Variants in MATN2 observed in about 807,000 individuals in gnomAD.
The protein encoded by MATN2 is matrilin-2.
In MATN2, 69 loss-of-function variants were observed where a neutral mutation model predicts 103.2. The ratio of observed to expected loss-of-function variants is 0.67; its 90% CI spans 0.55 to 0.82. The LOEUF (loss-of-function observed/expected upper bound fraction) is 0.82, where lower values mean the gene tolerates loss of function less well. Among genes scored for constraint, MATN2 ranks in the 40% least tolerant of loss-of-function variants. MATN2 has a pLI of 0.00. For synonymous variants in MATN2, 429 were observed against 450.2 expected, an observed-to-expected ratio of 0.95 and a Z score of 0.60; for missense variants, 1,023 against 1,211.5, an observed-to-expected ratio of 0.84 and a Z score of 2.31.
chr8:98,022,334 A>G (rs1388611381), intron 13 of MATN2, among the ~76,000 whole-genome samples: 1 of 149,514 alleles, frequency 6.7e-6, no homozygotes, highest in Non-Finnish European at 1.5e-5. Context: ...CATTATATAC[A>G]TATCTAATGT....
rs768432436 is a variant in MATN2, at chr8:97,931,095, A to G, written c.285A>G (p.Arg95=). ...QFLDIGPDVT[R]VGLLQYGSTV... ...TGGACATTGGTCCTGATGTCACCCG[A>G]GTGGGCCTGCTCCAATATGGCAGCA... The change falls in exon 3 of 19, where the codon CGA becomes CGG. Residue 95 remains arginine, a synonymous_variant. Coordinates refer to ENST00000254898, the MANE Select transcript of MATN2 (RefSeq NM_002380.5). The surrounding 1 kb of genome is among the most constrained non-coding windows in gnomAD (Gnocchi z 4.1). The G allele has an allele frequency of 3.1e-6, 5 of 1,614,016 alleles. No individual in the cohort carries two copies. The South Asian group carries it at 5.5e-5, about 18-fold the overall frequency.
Position 97,930,933 on chromosome 8 carries a change from G to T in MATN2, c.143-20G>T. ...ACCTGGCCTCTCTTCTAATGTATTT[G>T]ACCTCTCCTCTTTCCCCAGAGAGTT... On this transcript the variant is annotated intron_variant, in intron 2 of 18. Transcript: ENST00000254898. 1 of 1,570,880 alleles carries T rather than the reference G, an allele frequency of 6.4e-7. No homozygotes were observed. The highest frequency in any genetic ancestry group is 1.2e-5 in the South Asian group (1 of 84,214).
At chr8:98,014,975 A>G (rs1813310404) in intron 10 of MATN2, among the ~76,000 whole-genome samples, 1 of 152,206 alleles carries the variant, frequency 6.6e-6, no homozygotes, top group African/African-American at 2.4e-5. Flanking sequence ...TTCTTATAAA[A>G]AGTCACCACT....
rs566200089 is a variant in MATN2 at position 98,001,956 on chromosome 8, G to T, written c.1205-1705G>T. Among the ~76,000 whole-genome samples, 18 of 152,254 alleles carry T rather than the reference G, an allele frequency of 1.2e-4. 1 individual carries two copies. The South Asian group carries it at 3.7e-3, about 32-fold the overall frequency. ...CATGCTTGGGGGTCATGGGGTAATGGTTATTGGCAAGACAACCAACAGTGT... is the reference window on the plus strand; with the variant it reads ...CATGCTTGGGGGTCATGGGGTAATGTTTATTGGCAAGACAACCAACAGTGT... On this transcript the variant is annotated intron_variant, in intron 7 of 18. Transcript: ENST00000254898.
intron 1 of MATN2, 184 bp from the exon 2 acceptor site, chr8:97,887,891 G>A (rs1047043294): frequency 3.8e-6 from 2 of 525,686 alleles, no homozygotes; most frequent in African/African-American, 2.0e-5. Context: ...TGCTCGGAGC[G>A]TCCAAGAAGA....
At chr8:97,976,482 A>C (rs2130303662) in intron 5 of MATN2, among the ~76,000 whole-genome samples, 1 of 152,376 alleles carries the variant, frequency 6.6e-6, no homozygotes, top group South Asian at 2.1e-4. Context: ...ACAAATCTTC[A>C]GTGTCCCTTT....
rs538203200 is a variant in MATN2 at position 97,941,650 on chromosome 8, G to A, written c.713-127G>A. 35 of 1,014,608 alleles carry A rather than the reference G, an allele frequency of 3.4e-5. 1 individual carries two copies. The Middle Eastern group carries it at 1.2e-3, about 36-fold the overall frequency. 62.9% of individuals were successfully genotyped at this position (1,014,608 alleles called of 1,614,324 possible). A position where few individuals can be genotyped will look rare whatever the true frequency, so the allele number is the denominator to read the frequency against. ...GGACTGTGAGCCCCCTTGAGGGTAG[G>A]GACTGCAGCTTATTTCTCTGAGTCC... On this transcript the variant is annotated intron_variant, in intron 3 of 18. Coordinates refer to ENST00000254898, the MANE Select transcript of MATN2 (RefSeq NM_002380.5).
At chr8:97,943,434 T>C (rs4996089) in intron 4 of MATN2, among the ~76,000 whole-genome samples, 9 of 98,986 alleles carry the variant, frequency 9.1e-5, no homozygotes, top group South Asian at 3.0e-4. Context: ...TCCTTCTCCT[T>C]CTCCTCCTCC....
chr8:97,966,565 CA>C (rs5893441), intron 5 of MATN2, among the ~76,000 whole-genome samples: 83,091 of 141,780 alleles, frequency 0.59, 24,013 homozygotes, highest in Middle Eastern at 0.71. Flanking sequence ...GACCTTGTCT[CA>C]AAAAAAAAAA....
chr8:97,941,795 C>A lies in MATN2; in HGVS notation c.731C>A (p.Thr244Asn), dbSNP rs1357841465. Residue 244 changes from threonine to asparagine, a missense_variant, in exon 4 of 19, where the codon ACC becomes AAC. Physicochemically the swap from Thr to Asn is moderately conservative, Grantham distance 65 (BLOSUM62 0). Coordinates refer to ENST00000254898, the MANE Select transcript of MATN2 (RefSeq NM_002380.5). ...KKLCTAHMCS[T>N]LEHNCAHFCI... The stretch of plus-strand genomic sequence containing the variant: ...CTTTCAGCGGCCCATATGTGCAGCA[C>A]CCTGGAGCATAACTGTGCCCACTTC... 1.2e-6 allele frequency: 2 copies of A among 1,603,666 alleles called. No individual in the cohort carries two copies. Among genetic ancestry groups the A allele is most frequent in the Non-Finnish European group, 8.5e-7 (1 of 1,175,098 alleles).
chr8:98,026,489 C>G (rs112634411), intron 13 of MATN2, among the ~76,000 whole-genome samples: 3 of 152,204 alleles, frequency 2.0e-5, no homozygotes, highest in African/African-American at 7.2e-5. Flanking sequence ...CTCCTGTGCT[C>G]AAGCCATCCT....
At chr8:97,904,618 G>A (rs2513816) in intron 2 of MATN2, among the ~76,000 whole-genome samples, 10 of 152,068 alleles carry the variant, frequency 6.6e-5, no homozygotes, top group African/African-American at 2.2e-4. Context: ...TTCAACACAC[G>A]TATTGCTTGC....
At chr8:97,979,190 G>A (rs764341926) in intron 6 of MATN2, among the ~76,000 whole-genome samples, 182 bp downstream of exon 6, 3 of 152,198 alleles carry the variant, frequency 2.0e-5, no homozygotes, top group African/African-American at 2.4e-5. Context: ...ATAGACCACT[G>A]TATCTCAACA....
chr8:97,923,850 C>G (rs1019401954), intron 2 of MATN2, among the ~76,000 whole-genome samples: 1 of 152,198 alleles, frequency 6.6e-6, no homozygotes, highest in South Asian at 2.1e-4. Context: ...AGCTACTGTT[C>G]CCAGCTAGAT....
intron 12 of MATN2, 196 bp from the exon 13 acceptor site, chr8:98,021,009 A>AT: frequency 2.1e-6 from 1 of 486,748 alleles, no homozygotes; most frequent in Non-Finnish European, 3.7e-6. Context: ...ATTCAGACTC[A>AT]TGGGAGCTAG....
intron 2 of MATN2, among the ~76,000 whole-genome samples, chr8:97,928,743 G>T (rs1289916461): frequency 6.6e-6 from 1 of 152,210 alleles, no homozygotes; most frequent in Non-Finnish European, 1.5e-5. Flanking sequence ...GCCAGCACAC[G>T]TCGGGAGTTC....
At chr8:97,869,825 C>G (rs1817833190) in intron 1 of MATN2, among the ~76,000 whole-genome samples, 2 of 152,146 alleles carry the variant, frequency 1.3e-5, no homozygotes, top group Admixed American at 6.5e-5. Flanking sequence ...GTGGTAGTTG[C>G]TAGAAACCCC....
At chr8:97,909,720 T>C (rs147768909) in intron 2 of MATN2, among the ~76,000 whole-genome samples, 14 of 151,950 alleles carry the variant, frequency 9.2e-5, no homozygotes, top group African/African-American at 3.4e-4. Context: ...AGTGGGGCCA[T>C]TGAAACAGCT....
intron 2 of MATN2, among the ~76,000 whole-genome samples, chr8:97,925,123 A>C (rs983812082): frequency 2.6e-5 from 4 of 152,200 alleles, no homozygotes; most frequent in Admixed American, 2.6e-4. Context: ...AGACAAAAAA[A>C]GGGAAATGAT....
Sources: allele counts gnomAD v4.1 joint callset (sites outside exome capture counted in the v4.1 genomes callset), GRCh38; gene constraint gnomAD v4.1.1; non-coding constraint Gnocchi (gnomAD v3.1); transcripts MANE v1.5; gene names NCBI Gene and HGNC (gene_info 2026-07-23, HGNC 2026-07-21).